EVI5: variants seen among roughly 807,000 people sequenced by gnomAD.
EVI5 encodes the protein ecotropic viral integration site 5 protein homolog.
Under a neutral mutation model 112.0 loss-of-function variants are expected in EVI5, and 73 were observed. The ratio of observed to expected loss-of-function variants is 0.65; its 90% CI spans 0.54 to 0.79. The LOEUF is 0.79. Ranked by LOEUF, EVI5 falls within the 30% of genes least tolerant of loss-of-function variation. EVI5 has a pLI of 0.00. For synonymous variants in EVI5, 305 were observed against 319.9 expected, an observed-to-expected ratio of 0.95 and a Z score of 0.50; for missense variants, 900 against 968.8, an observed-to-expected ratio of 0.93 and a Z score of 0.94.
chr1:92,769,292 A>G, intron 1 of EVI5, among the ~76,000 whole-genome samples: 1 of 152,356 alleles, frequency 6.6e-6, no homozygotes, highest in South Asian at 2.1e-4. Flanking sequence ...ACAATATGGT[A>G]TATATTCATC....
intron 9 of EVI5, among the ~76,000 whole-genome samples, chr1:92,687,453 G>A (rs1402435782): frequency 3.3e-5 from 5 of 152,230 alleles, no homozygotes; most frequent in Admixed American, 3.3e-4. Flanking sequence ...GAAAACCTAG[G>A]CAGTACCATT....
At chr1:92,562,206 G>A (rs959674516) in intron 19 of EVI5, among the ~76,000 whole-genome samples, 2 of 152,044 alleles carry the variant, frequency 1.3e-5, no homozygotes, top group Non-Finnish European at 2.9e-5. Flanking sequence ...ATTGTAACTT[G>A]TTCTTTCACA....
intron 2 of EVI5, among the ~76,000 whole-genome samples, chr1:92,721,560 G>C (rs1674759469): frequency 6.6e-6 from 1 of 152,096 alleles, no homozygotes; most frequent in South Asian, 2.1e-4. Flanking sequence ...ATAGCATTAG[G>C]AGAAATACCT....
chr1:92,565,532 A>C (rs2100927191), intron 18 of EVI5, among the ~76,000 whole-genome samples: 1 of 152,306 alleles, frequency 6.6e-6, no homozygotes, highest in South Asian at 2.1e-4. Context: ...GTCAATGTGG[A>C]GATTCCTCCC....
chr1:92,584,321 A>C (rs1313447492), intron 18 of EVI5, among the ~76,000 whole-genome samples: 1 of 152,200 alleles, frequency 6.6e-6, no homozygotes, highest in Non-Finnish European at 1.5e-5. Flanking sequence ...AGAGGCAACC[A>C]CATTAACTTG....
chr1:92,703,402 A>T lies in EVI5; in HGVS notation c.557T>A (p.Val186Glu). ...TGAATAAATAAAACTTACCTTCATTACATTAAATAAAACCTCCTGTCCAAG... is the reference window on the plus strand; with the variant it reads ...TGAATAAATAAAACTTACCTTCATTTCATTAAATAAAACCTCCTGTCCAAG... ...DSLGQEVLFN[V>E]MKAYSLVDRE... The change falls in exon 4 of 20, where the codon GTA (valine) becomes GAA (glutamate). Residue 186 changes from valine to glutamate, a missense_variant. By Grantham distance (121) the Val-to-Glu change is moderately radical. Coordinates refer to ENST00000684568, the MANE Select transcript of EVI5 (RefSeq NM_001350197.2). The T allele has an allele frequency of 6.5e-7, 1 of 1,534,202 alleles. No individual in the cohort carries two copies. The highest frequency in any genetic ancestry group is 8.8e-7 in the Non-Finnish European group (1 of 1,136,732).
chr1:92,619,841 A>C (rs1386924111), intron 16 of EVI5, among the ~76,000 whole-genome samples: 1 of 152,180 alleles, frequency 6.6e-6, no homozygotes, highest in African/African-American at 2.4e-5. Flanking sequence ...TTGGCTCATC[A>C]AACAACTTGA....
At chr1:92,515,108 T>A (rs1434081090) in intron 19 of EVI5, among the ~76,000 whole-genome samples, 1 of 152,152 alleles carries the variant, frequency 6.6e-6, no homozygotes, top group Non-Finnish European at 1.5e-5. Flanking sequence ...GCCTCACTCA[T>A]CTCTTTTCCC....
At chr1:92,785,179 G>A (rs907922277), upstream of EVI5, 27 of 885,684 alleles carry the variant, frequency 3.0e-5, no homozygotes, top group African/African-American at 1.8e-5. Context: ...GAGCAGGTTA[G>A]GGGCCGGGCG....
At chr1:92,594,626 G>C (rs1048467997) in intron 18 of EVI5, among the ~76,000 whole-genome samples, 2 of 151,530 alleles carry the variant, frequency 1.3e-5, no homozygotes, top group African/African-American at 2.4e-5. Context: ...AGAGTGAACA[G>C]GCAGCCTACA....
At chr1:92,627,987 A>G (rs1041416343) in intron 14 of EVI5, among the ~76,000 whole-genome samples, 2 of 152,052 alleles carry the variant, frequency 1.3e-5, no homozygotes, top group African/African-American at 2.4e-5. Flanking sequence ...ACAAGGTTTC[A>G]TTATCTTGGC....
intron 18 of EVI5, among the ~76,000 whole-genome samples, chr1:92,589,294 G>A (rs902348352): frequency 6.6e-6 from 1 of 152,188 alleles, no homozygotes; most frequent in Non-Finnish European, 1.5e-5. Context: ...AGCACACCGA[G>A]CGTGAGCCGA....
chr1:92,745,098 ATTTT>A (rs750800778), intron 1 of EVI5, among the ~76,000 whole-genome samples: 5 of 129,822 alleles, frequency 3.9e-5, no homozygotes, highest in Middle Eastern at 3.7e-3. Flanking sequence ...TGCCAGGCTA[ATTTT>A]TTTTTTTTTT....
At chr1:92,640,686 C>T (rs1335446288) in intron 13 of EVI5, among the ~76,000 whole-genome samples, 3 of 151,350 alleles carry the variant, frequency 2.0e-5, no homozygotes, top group Admixed American at 2.0e-4. Flanking sequence ...CAACACGGTT[C>T]TAGAACCAGA....
chr1:92,632,281 G>C (rs1657340756), intron 14 of EVI5, among the ~76,000 whole-genome samples: 1 of 152,092 alleles, frequency 6.6e-6, no homozygotes, highest in African/African-American at 2.4e-5. Flanking sequence ...TGTACCTCTG[G>C]TAGAATTTGG....
intron 2 of EVI5, among the ~76,000 whole-genome samples, chr1:92,715,637 G>T (rs1489483417): frequency 6.6e-6 from 1 of 152,140 alleles, no homozygotes; most frequent in East Asian, 1.9e-4. Flanking sequence ...CACAGAGGGC[G>T]AGCCAAAGCA....
chr1:92,735,970 T>C (rs1171395206), intron 2 of EVI5, among the ~76,000 whole-genome samples: 5 of 150,834 alleles, frequency 3.3e-5, no homozygotes, highest in African/African-American at 1.2e-4. Context: ...AACTATTCTA[T>C]TTAATACCAT....
intron 1 of EVI5, among the ~76,000 whole-genome samples, chr1:92,743,252 T>C (rs1483548526): frequency 3.3e-5 from 5 of 151,184 alleles, no homozygotes; most frequent in South Asian, 2.1e-4. Flanking sequence ...ACTTGGGAGG[T>C]TGAGGCAAGA....
Position 92,767,411 on chromosome 1 carries a change from G to A in EVI5, c.-82+17425C>T, listed in dbSNP as rs1016388288. ...ACAGGTAAATACATGCTACGCATAGGATTTGGTCCCATCCACAGTTTCAGG... is the reference window on the plus strand; with the variant it reads ...ACAGGTAAATACATGCTACGCATAGAATTTGGTCCCATCCACAGTTTCAGG... On this transcript the variant is annotated intron_variant, in intron 1 of 19. Transcript: ENST00000684568. Among the ~76,000 whole-genome samples, 38 of 152,192 alleles carry A rather than the reference G, an allele frequency of 2.5e-4. No individual in the cohort carries two copies. The South Asian group carries it at 3.7e-3, about 15-fold the overall frequency.
Sources: allele counts gnomAD v4.1 joint callset (sites outside exome capture counted in the v4.1 genomes callset), GRCh38; gene constraint gnomAD v4.1.1; transcripts MANE v1.5; gene names NCBI Gene and HGNC (gene_info 2026-07-23, HGNC 2026-07-21).